Variants in GRID1 observed in about 807,000 individuals in gnomAD.
The protein encoded by GRID1 is glutamate ionotropic receptor delta type subunit 1.
In GRID1, 28 loss-of-function variants were observed where a neutral mutation model predicts 98.0. The observed-to-expected ratio is 0.29, with a 90% CI of 0.21 to 0.39. The LOEUF (loss-of-function observed/expected upper bound fraction) is 0.39, where lower values mean the gene tolerates loss of function less well. GRID1 is among the 10% of genes least tolerant of loss of function. GRID1 has a pLI of 1.00. For missense variants in GRID1, 1,111 were observed against 1,340.5 expected, an observed-to-expected ratio of 0.83 and a Z score of 2.67; for synonymous variants, 553 against 538.5, an observed-to-expected ratio of 1.03 and a Z score of -0.37.
At chr10:86,066,516 G>A (rs1226745261) in intron 4 of GRID1, among the ~76,000 whole-genome samples, 1 of 152,132 alleles carries the variant, frequency 6.6e-6, no homozygotes, top group Non-Finnish European at 1.5e-5. Flanking sequence ...TTTATAAGTG[G>A]CAGAGCTGAG....
In GRID1 at chr10:85,681,519, C is replaced by A. The variant is rs192297241; in HGVS notation, c.1998-34122G>T. On this transcript the variant is annotated intron_variant, in intron 12 of 15. Coordinates refer to ENST00000327946, the MANE Select transcript of GRID1 (RefSeq NM_017551.3). ...TCTCCACATCTTCTCTTCTTTCCCA[C>A]GACCCGAGGCTTCCCCAGAGTTCAC... is the stretch of plus-strand genomic sequence containing the variant. Among the ~76,000 whole-genome samples, 73 of 152,274 alleles carry A rather than the reference C, an allele frequency of 4.8e-4. No individual in the cohort carries two copies. In the Middle Eastern group the frequency reaches 0.014, roughly 28 times the overall value.
chr10:85,897,704 T>G (rs571865493), intron 5 of GRID1, among the ~76,000 whole-genome samples: 3 of 152,254 alleles, frequency 2.0e-5, no homozygotes, highest in African/African-American at 7.2e-5. Flanking sequence ...TCAAGCTAAT[T>G]AATTGATCCA....
chr10:85,694,594 ATATATATAAT>A (rs1841372523), intron 12 of GRID1, among the ~76,000 whole-genome samples: 2 of 105,400 alleles, frequency 1.9e-5, no homozygotes, highest in Non-Finnish European at 4.2e-5. Context: ...ATATATATAT[ATATATATAAT>A]GGAATATTAT....
chr10:86,125,911 T>A (rs2131962841), intron 4 of GRID1, among the ~76,000 whole-genome samples: 1 of 152,320 alleles, frequency 6.6e-6, no homozygotes, highest in African/African-American at 2.4e-5. Flanking sequence ...ACAAAATTTG[T>A]GTTGATCAAA....
At chr10:86,067,601 T>A (rs562718266) in intron 4 of GRID1, among the ~76,000 whole-genome samples, 2 of 152,154 alleles carry the variant, frequency 1.3e-5, no homozygotes, top group African/African-American at 2.4e-5. Context: ...GCACTGCGGT[T>A]CCCCACCCAG....
chr10:86,093,947 C>T (rs1325790454), intron 4 of GRID1, among the ~76,000 whole-genome samples: 1 of 152,088 alleles, frequency 6.6e-6, no homozygotes, highest in Non-Finnish European at 1.5e-5. Flanking sequence ...AAAATCTTAA[C>T]AAAATACTAG....
At chr10:85,818,964 G>A (rs1476059401) in intron 8 of GRID1, among the ~76,000 whole-genome samples, 17 of 152,040 alleles carry the variant, frequency 1.1e-4, no homozygotes, top group Non-Finnish European at 2.1e-4. Context: ...TGAGTGATCC[G>A]CCCGCCTCAG....
Position 85,626,874 on chromosome 10 carries a change from G to A in GRID1, c.2194-6841C>T, listed in dbSNP as rs952247878. On this transcript the variant is annotated intron_variant, in intron 13 of 15. Coordinates refer to ENST00000327946, the MANE Select transcript of GRID1 (RefSeq NM_017551.3). Reference sequence around the variant, plus strand: ...GAGTGTGGCTGGCGTGATATTTCTGGAATGGCAATTTGGTGGGGAGAATTG... The same window carrying A: ...GAGTGTGGCTGGCGTGATATTTCTGAAATGGCAATTTGGTGGGGAGAATTG... 3.3e-5 allele frequency among the ~76,000 whole-genome samples: 5 copies of A among 152,292 alleles called. No individual in the cohort carries two copies. In the South Asian group the frequency reaches 1.0e-3, roughly 32 times the overall value.
At chr10:85,901,494 C>T (rs56090956) in intron 5 of GRID1, among the ~76,000 whole-genome samples, 6,451 of 152,130 alleles carry the variant, frequency 0.042, 310 homozygotes, top group East Asian at 0.19. Flanking sequence ...GTGATCTGCC[C>T]GCCTTGGCCT....
intron 6 of GRID1, among the ~76,000 whole-genome samples, chr10:85,861,114 A>G (rs1480614197): frequency 6.6e-6 from 1 of 152,230 alleles, no homozygotes; most frequent in Non-Finnish European, 1.5e-5. Flanking sequence ...AGCTGGGGTC[A>G]GCACCAGTCT....
intron 12 of GRID1, among the ~76,000 whole-genome samples, chr10:85,659,972 G>A (rs1412664714): frequency 6.6e-6 from 1 of 152,190 alleles, no homozygotes; most frequent in Non-Finnish European, 1.5e-5. Context: ...AGATGCCTGA[G>A]CTATCTTCCC....
chr10:86,319,223 G>A (rs1317388743), intron 2 of GRID1, among the ~76,000 whole-genome samples: 5 of 152,176 alleles, frequency 3.3e-5, no homozygotes, highest in Admixed American at 1.3e-4. Context: ...CTTGGGCTTC[G>A]ACTCTGAGGG....
intron 4 of GRID1, among the ~76,000 whole-genome samples, chr10:86,001,889 A>G (rs531334299): frequency 9.9e-5 from 15 of 152,268 alleles, no homozygotes; most frequent in African/African-American, 2.6e-4. Flanking sequence ...TGCTCCCTTC[A>G]AAGTCTCTAG....
At chr10:86,191,690 C>T (rs1468942040) in intron 3 of GRID1, among the ~76,000 whole-genome samples, 2 of 152,146 alleles carry the variant, frequency 1.3e-5, no homozygotes, top group Non-Finnish European at 2.9e-5. Context: ...CTATGAGGTC[C>T]CAGTACCCAC....
At chr10:86,328,008 AGG>A (rs5786736) in intron 2 of GRID1, among the ~76,000 whole-genome samples, 5 of 151,928 alleles carry the variant, frequency 3.3e-5, no homozygotes, top group African/African-American at 7.3e-5. Flanking sequence ...CTATCTATTA[AGG>A]GGGGGTATCT....
chr10:86,171,511 T>A lies in GRID1; in HGVS notation c.521-32487A>T, dbSNP rs567496495. 4.6e-5 allele frequency among the ~76,000 whole-genome samples: 7 copies of A among 152,244 alleles called. No individual in the cohort carries two copies. The South Asian group carries it at 1.5e-3, about 32-fold the overall frequency. ...CTGGCTTTATCTCTATTAACCGAGG[T>A]GGGGACCCAGAGGGTGAAGATGTCA... On this transcript the variant is annotated intron_variant, in intron 3 of 15. Coordinates refer to ENST00000327946, the MANE Select transcript of GRID1 (RefSeq NM_017551.3).
chr10:86,190,873 T>C (rs924910240), intron 3 of GRID1, among the ~76,000 whole-genome samples: 2 of 152,170 alleles, frequency 1.3e-5, no homozygotes, highest in African/African-American at 2.4e-5. Flanking sequence ...CATGTGTGCA[T>C]AGTCGTGCAT....
At chr10:86,132,843 GAC>G in intron 4 of GRID1, among the ~76,000 whole-genome samples, 1 of 152,196 alleles carries the variant, frequency 6.6e-6, no homozygotes, top group Non-Finnish European at 1.5e-5. Context: ...GGATCAAATT[GAC>G]CTCCAGGCAC....
chr10:85,731,326 A>G (rs902369749), intron 8 of GRID1, among the ~76,000 whole-genome samples: 3 of 151,962 alleles, frequency 2.0e-5, no homozygotes, highest in Non-Finnish European at 4.4e-5. Flanking sequence ...ATGGCCATGT[A>G]CCCCAAAGAA....
Sources: allele counts gnomAD v4.1 joint callset (sites outside exome capture counted in the v4.1 genomes callset), GRCh38; gene constraint gnomAD v4.1.1; transcripts MANE v1.5; gene names NCBI Gene and HGNC (gene_info 2026-07-23, HGNC 2026-07-21).